The following PIR variants were observed in gnomAD, a reference collection of about 807,000 sequenced individuals.
PIR encodes the protein pirin (iron-binding nuclear protein).
Under a neutral mutation model 24.2 loss-of-function variants are expected in PIR, and 22 were observed. The observed-to-expected ratio is 0.91, with a 90% confidence interval of 0.65 to 1.30. The LOEUF is 1.30. Ranked by LOEUF, PIR falls within the 50% of genes most tolerant of loss-of-function variation. The probability of loss-of-function intolerance (pLI) is 0.00; values close to 1 mark genes in which losing one functional copy is unlikely to be tolerated. For synonymous variants in PIR, 80 were observed against 79.6 expected (o/e 1.00, Z -0.03); for missense variants, 220 against 220.3 (o/e 1.00, Z 0.01).
chrX:15,446,133 C>G (rs1315306905), intron 5 of PIR, among the ~76,000 whole-genome samples: 7 of 111,394 alleles, frequency 6.3e-5, no homozygotes, highest in Non-Finnish European at 1.1e-4. Flanking sequence ...CCGGCCTATT[C>G]AAGATATTTC....
intron 5 of PIR, among the ~76,000 whole-genome samples, chrX:15,441,032 C>A (rs1806679128): frequency 9.0e-6 from 1 of 111,593 alleles, no homozygotes; most frequent in South Asian, 3.7e-4. Context: ...CCTTTTGGGA[C>A]TATTTTTAAA....
At chrX:15,463,777 G>A (rs1283311679) in intron 3 of PIR, among the ~76,000 whole-genome samples, 1 of 112,344 alleles carries the variant, frequency 8.9e-6, no homozygotes, top group Non-Finnish European at 1.9e-5. Flanking sequence ...AATCAGTGGG[G>A]CAAGGATGTA....
chrX:15,427,691 C>CAT (rs201735828), intron 5 of PIR, among the ~76,000 whole-genome samples: 3,986 of 107,432 alleles, frequency 0.037, 181 homozygotes, highest in African/African-American at 0.13. Context: ...ACTGACAGTA[C>CAT]ATACACACAC....
intron 5 of PIR, among the ~76,000 whole-genome samples, chrX:15,445,442 C>T (rs1004945740): frequency 1.7e-4 from 19 of 110,974 alleles, no homozygotes; most frequent in Non-Finnish European, 3.0e-4. Flanking sequence ...GTAAACGACG[C>T]GTTGATGGGT....
At chrX:15,465,717 G>C (rs1385602304) in intron 3 of PIR, among the ~76,000 whole-genome samples, 5 of 111,920 alleles carry the variant, frequency 4.5e-5, no homozygotes, top group African/African-American at 1.6e-4. Flanking sequence ...GTTTGTGTTT[G>C]GGGGCAGAAA....
chrX:15,451,834 A>G (rs1347556606), intron 5 of PIR, among the ~76,000 whole-genome samples: 2 of 112,525 alleles, frequency 1.8e-5, no homozygotes, highest in East Asian at 2.8e-4. Flanking sequence ...TTACATTTGT[A>G]GGCCACATGA....
Position 15,418,697 on chromosome X carries a change from A to C in PIR, c.565+7209T>G, listed in dbSNP as rs189097095. 2.7e-3 allele frequency among the ~76,000 whole-genome samples: 306 copies of C among 112,102 alleles called. 1 individual carries two copies. Among genetic ancestry groups the C allele is most frequent in the Non-Finnish European group, 5.0e-3 (265 of 53,233 alleles). ...CTGAAGGAAATAAAGAGATGGTAAA[A>C]ATCGATTCAAATAGTATTCATGGGA... is the stretch of plus-strand genomic sequence containing the variant. On this transcript the variant is annotated intron_variant, in intron 6 of 9. Transcript: ENST00000380420.
At chrX:15,439,984 TTC>T (rs375353069) in intron 5 of PIR, among the ~76,000 whole-genome samples, 70 of 107,151 alleles carry the variant, frequency 6.5e-4, no homozygotes, top group Non-Finnish European at 6.0e-4. Flanking sequence ...AGACACAAAT[TTC>T]TCTCTCTCTC....
intron 8 of PIR, among the ~76,000 whole-genome samples, chrX:15,396,952 G>C (rs1241701443): frequency 9.0e-6 from 1 of 111,607 alleles, no homozygotes; most frequent in Non-Finnish European, 1.9e-5. Flanking sequence ...GTGTTAGCCA[G>C]GATGGTCTCG....
At chrX:15,482,890 T>C (rs1287792561) in intron 2 of PIR, among the ~76,000 whole-genome samples, 2 of 111,245 alleles carry the variant, frequency 1.8e-5, no homozygotes, top group East Asian at 5.6e-4. Flanking sequence ...GTCTTTGTTA[T>C]AAACTTTTAA....
At chrX:15,415,897 G>A (rs1924899390) in intron 6 of PIR, among the ~76,000 whole-genome samples, 1 of 110,548 alleles carries the variant, frequency 9.0e-6, no homozygotes, top group South Asian at 3.8e-4. Flanking sequence ...AGAAGCCACA[G>A]AAAGCACTAA....
intron 5 of PIR, among the ~76,000 whole-genome samples, chrX:15,448,710 CTAAA>C (rs1285308139): frequency 9.0e-6 from 1 of 111,701 alleles, no homozygotes; most frequent in African/African-American, 3.3e-5. Context: ...ATCAGGATGC[CTAAA>C]TAGTTACTGC....
chrX:15,423,552 G>T (rs1925206363), intron 6 of PIR, among the ~76,000 whole-genome samples: 1 of 110,690 alleles, frequency 9.0e-6, no homozygotes, highest in African/African-American at 3.3e-5. Flanking sequence ...GGAGGTGGAG[G>T]TTGCAGTGAG....
At chrX:15,472,445 G>T (rs1264416217) in intron 3 of PIR, among the ~76,000 whole-genome samples, 1 of 111,734 alleles carries the variant, frequency 8.9e-6, no homozygotes, top group African/African-American at 3.3e-5. Context: ...ACAAAATGTG[G>T]TCTATCCATA....
At position 15,441,711 on chromosome X, in the gene PIR, G is replaced by A. The variant is rs111680530; in HGVS notation, c.480+14137C>T. Among the ~76,000 whole-genome samples the A allele has an allele frequency of 6.0e-3, 664 of 111,419 alleles. 6 individuals carry two copies. The highest frequency in any genetic ancestry group is 0.02 in the African/African-American group (619 of 30,595). ...AGGAGGTGGGATCCAGCTGGTAAGAGTAATTCAAGGGACTGAGTATGCTCA... is the reference window on the plus strand; with the variant it reads ...AGGAGGTGGGATCCAGCTGGTAAGAATAATTCAAGGGACTGAGTATGCTCA... On this transcript the variant is annotated intron_variant, in intron 5 of 9. Transcript: ENST00000380420.
chrX:15,422,351 G>C lies in PIR; in HGVS notation c.565+3555C>G, dbSNP rs1925161824. ...GCAAGAGAAAAAAAAAAAACAAAGG[G>C]CATTCAAATAAGAAAGGAAGAAGTC... On this transcript the variant is annotated intron_variant, in intron 6 of 9. Transcript: ENST00000380420. Among the ~76,000 whole-genome samples the C allele has an allele frequency of 2.8e-5, 3 of 108,244 alleles. No individual in the cohort carries two copies. In the Admixed American group the frequency reaches 3.0e-4, roughly 11 times the overall value. 94.0% of individuals were successfully genotyped at this position (108,244 alleles called of 115,157 possible).
intron 6 of PIR, among the ~76,000 whole-genome samples, chrX:15,409,499 G>A (rs926955977): frequency 3.6e-5 from 4 of 111,415 alleles, no homozygotes; most frequent in Admixed American, 9.6e-5. Flanking sequence ...AGGCATAGCC[G>A]GGGTGTGCAA....
chrX:15,479,790 T>C lies in PIR; in HGVS notation c.128A>G (p.Asp43Gly). The C allele has an allele frequency of 1.7e-6, 2 of 1,176,104 alleles. No homozygotes were observed. The highest frequency in any genetic ancestry group is 2.3e-6 in the Non-Finnish European group (2 of 869,492). Residue 43 changes from aspartate to glycine, a missense_variant, in exon 3 of 10, where the codon GAT (aspartate) becomes GGT (glycine). Coordinates refer to ENST00000380420, the MANE Select transcript of PIR (RefSeq NM_001018109.3). ...TCCTGGTCTACCTCCTTTAAATTCA[T>C]CAAACAGTAAAAACGGATCCAGATT... The part of the protein sequence containing the change: ...LKNLDPFLLF[D>G]EFKGGRPGGF...
At chrX:15,405,308 T>C (rs1287110261) in intron 7 of PIR, among the ~76,000 whole-genome samples, 1 of 112,183 alleles carries the variant, frequency 8.9e-6, no homozygotes, top group Non-Finnish European at 1.9e-5. Context: ...TCATGACACA[T>C]GAAAAAACAT....
Sources: gnomAD v4.1 joint callset for allele counts (sites outside exome capture counted in the v4.1 genomes callset) on GRCh38, gnomAD v4.1.1 for gene constraint, MANE v1.5 for transcripts, NCBI Gene and HGNC (gene_info 2026-07-23, HGNC 2026-07-21) for gene names.